PAK2: variants seen among roughly 807,000 people sequenced by gnomAD.
The protein encoded by PAK2 is serine/threonine-protein kinase PAK 2.
Under a neutral mutation model 65.9 loss-of-function variants are expected in PAK2, and 21 were observed. That is an observed-to-expected ratio of 0.32 (90% CI 0.23 to 0.46). PAK2 has a LOEUF of 0.46. Ranked by LOEUF, PAK2 falls within the 20% of genes least tolerant of loss-of-function variation. PAK2 has a pLI of 1.00. For missense variants in PAK2, 324 were observed against 642.6 expected (o/e 0.50, Z 5.36); for synonymous variants, 204 against 219.7 (o/e 0.93, Z 0.63).
chr3:196,811,925 G>C (rs1423334507), intron 8 of PAK2, among the ~76,000 whole-genome samples: 1 of 152,024 alleles, frequency 6.6e-6, no homozygotes, highest in Non-Finnish European at 1.5e-5. Flanking sequence ...ACAGTTATTT[G>C]TATCTTAATC....
At chr3:196,814,601 G>C (rs1258181134) in intron 11 of PAK2, 33 bp downstream of exon 11, 1 of 862,406 alleles carries the variant, frequency 1.2e-6, no homozygotes, top group Admixed American at 1.9e-5. Flanking sequence ...ATGTTATGGT[G>C]ATATGTGGTT....
chr3:196,809,073 C>A (rs981809212), intron 7 of PAK2, among the ~76,000 whole-genome samples: 34 of 149,864 alleles, frequency 2.3e-4, no homozygotes, highest in African/African-American at 7.6e-4. Flanking sequence ...ACTCCACCCC[C>A]TCAAAAAAAA....
At chr3:196,821,799 T>A (rs1711663157) in intron 13 of PAK2, among the ~76,000 whole-genome samples, 1 of 152,236 alleles carries the variant, frequency 6.6e-6, no homozygotes, top group Non-Finnish European at 1.5e-5. Flanking sequence ...TGTGTGAAGT[T>A]AATACGGAAT....
chr3:196,825,627 A>T (rs1157665682), intron 13 of PAK2, among the ~76,000 whole-genome samples: 1 of 152,152 alleles, frequency 6.6e-6, no homozygotes, highest in Non-Finnish European at 1.5e-5. Flanking sequence ...TGGGCCACAG[A>T]GCCAGACTCC....
At chr3:196,797,761 A>AT (rs1223652522) in intron 2 of PAK2, among the ~76,000 whole-genome samples, 46 of 151,152 alleles carry the variant, frequency 3.0e-4, no homozygotes, top group African/African-American at 1.0e-3. Context: ...AAAAAAAAAT[A>AT]AAATAAATAA....
intron 6 of PAK2, 111 bp from the exon 7 acceptor site, chr3:196,807,671 G>C: frequency 1.6e-6 from 1 of 616,988 alleles, no homozygotes; most frequent in Non-Finnish European, 2.9e-6. Context: ...TTAGAACAAT[G>C]GAAAAGACTA....
chr3:196,769,889 C>T (rs532108647), intron 1 of PAK2, among the ~76,000 whole-genome samples: 6 of 152,012 alleles, frequency 3.9e-5, no homozygotes, highest in Admixed American at 1.3e-4. Flanking sequence ...CACTTTGCCC[C>T]GTCTCTAATG....
At chr3:196,743,226 A>G (rs1713265366) in intron 1 of PAK2, among the ~76,000 whole-genome samples, 1 of 152,198 alleles carries the variant, frequency 6.6e-6, no homozygotes, top group African/African-American at 2.4e-5. Flanking sequence ...GTCAGTCTGA[A>G]CATTCATTCA....
chr3:196,822,995 A>C (rs1711704676), intron 13 of PAK2, among the ~76,000 whole-genome samples: 1 of 152,150 alleles, frequency 6.6e-6, no homozygotes, highest in Admixed American at 6.6e-5. Flanking sequence ...CTCTGGAAGG[A>C]TTCTGGCTTT....
At chr3:196,810,348 T>A (rs1715735456) in intron 7 of PAK2, among the ~76,000 whole-genome samples, 1 of 152,122 alleles carries the variant, frequency 6.6e-6, no homozygotes. Flanking sequence ...GGAAATAATG[T>A]GTCTTCTTGT....
Position 196,791,177 on chromosome 3 carries a change from A to T in PAK2, c.187+8344A>T, listed in dbSNP as rs1249231778. On this transcript the variant is annotated intron_variant, in intron 2 of 14. Transcript: ENST00000327134. The surrounding 1 kb of genome is among the most constrained non-coding windows in gnomAD (Gnocchi z 4.0). ...AGTATTAAAGACATTCTGTTGGTATAGCAATATCTTTCCAGCACATTGTTC... is the reference window on the plus strand; with the variant it reads ...AGTATTAAAGACATTCTGTTGGTATTGCAATATCTTTCCAGCACATTGTTC... Among the ~76,000 whole-genome samples the T allele has an allele frequency of 6.6e-6, 1 of 152,210 alleles. No individual in the cohort carries two copies. Among genetic ancestry groups the T allele is most frequent in the Non-Finnish European group, 1.5e-5 (1 of 68,034 alleles).
chr3:196,808,110 G>C (rs1715645240), intron 7 of PAK2, 196 bp downstream of exon 7: 3 of 468,758 alleles, frequency 6.4e-6, no homozygotes, highest in Non-Finnish European at 1.1e-5. Context: ...ACTAGGTCAG[G>C]AGATCAAGAC....
chr3:196,745,200 C>T (rs183551830), intron 1 of PAK2, among the ~76,000 whole-genome samples: 468 of 151,086 alleles, frequency 3.1e-3, no homozygotes, highest in African/African-American at 0.011. Flanking sequence ...CTGCAACTTC[C>T]GCCTCCCGGG....
At chr3:196,826,437 A>G (rs768091680) in intron 13 of PAK2, among the ~76,000 whole-genome samples, 14 of 147,570 alleles carry the variant, frequency 9.5e-5, no homozygotes, top group South Asian at 4.3e-4. Context: ...CTCCCAAAGT[A>G]CTGGGATTAC....
At chr3:196,751,367 G>A (rs1406780342) in intron 1 of PAK2, among the ~76,000 whole-genome samples, 1 of 151,812 alleles carries the variant, frequency 6.6e-6, no homozygotes, top group Non-Finnish European at 1.5e-5. Context: ...TAAAATATTG[G>A]CCAAGCATAG....
At chr3:196,752,294 G>GGTTTGCTT (rs1198149783) in intron 1 of PAK2, among the ~76,000 whole-genome samples, 32 of 151,672 alleles carry the variant, frequency 2.1e-4, no homozygotes, top group East Asian at 1.5e-3. Flanking sequence ...AATTGTATTT[G>GGTTTGCTT]GTTTGCTTTT....
At chr3:196,797,178 A>G (rs966825414) in intron 2 of PAK2, among the ~76,000 whole-genome samples, 1 of 152,130 alleles carries the variant, frequency 6.6e-6, no homozygotes, top group African/African-American at 2.4e-5. Context: ...ATTCTCAAAA[A>G]TGTTGGCCAG....
At chr3:196,790,307 C>T (rs963477183) in intron 2 of PAK2, among the ~76,000 whole-genome samples, 3 of 152,182 alleles carry the variant, frequency 2.0e-5, no homozygotes, top group African/African-American at 7.2e-5. Flanking sequence ...ACATGTGACT[C>T]AGGGTCTCTG....
At chr3:196,741,013 G>C (rs1180391331) in intron 1 of PAK2, among the ~76,000 whole-genome samples, 3 of 152,198 alleles carry the variant, frequency 2.0e-5, no homozygotes, top group Admixed American at 1.3e-4. Flanking sequence ...CAGTGTGAGC[G>C]TGATTTGTTG....
Sources: gnomAD v4.1 joint callset for allele counts (sites outside exome capture counted in the v4.1 genomes callset) on GRCh38, gnomAD v4.1.1 for gene constraint, Gnocchi (gnomAD v3.1) non-coding constraint, MANE v1.5 for transcripts, NCBI Gene and HGNC (gene_info 2026-07-23, HGNC 2026-07-21) for gene names.